The following PTPRT variants were observed in gnomAD, a reference collection of about 807,000 sequenced individuals.
PTPRT encodes protein tyrosine phosphatase receptor type T.
PTPRT carries 56 observed loss-of-function variants against 176.8 expected under a neutral mutation model. The observed-to-expected ratio is 0.32, with a 90% confidence interval of 0.26 to 0.40. The LOEUF is 0.40. Ranked by LOEUF, PTPRT falls within the 10% of genes least tolerant of loss-of-function variation. The pLI, the probability that PTPRT is intolerant of heterozygous loss-of-function variation, is 1.00. For synonymous variants in PTPRT, 783 were observed against 739.0 expected (o/e 1.06, Z -0.96); for missense variants, 1,540 against 1,908.2 (o/e 0.81, Z 3.60).
intron 11 of PTPRT, among the ~76,000 whole-genome samples, chr20:42,328,133 G>A (rs537429382): frequency 3.4e-4 from 52 of 152,104 alleles, no homozygotes; most frequent in Admixed American, 1.6e-3. Context: ...GAAAATCAAA[G>A]CCACAATTTC....
chr20:42,578,730 C>A (rs748907293), intron 7 of PTPRT, among the ~76,000 whole-genome samples: 1 of 152,156 alleles, frequency 6.6e-6, no homozygotes, highest in East Asian at 1.9e-4. Flanking sequence ...TATCTCGGAT[C>A]TGCAATCGCC....
intron 7 of PTPRT, among the ~76,000 whole-genome samples, chr20:42,534,649 AGAT>A (rs1246368554): frequency 6.6e-6 from 1 of 152,168 alleles, no homozygotes; most frequent in East Asian, 1.9e-4. Flanking sequence ...AAAGAAAAAA[AGAT>A]ACAAAACTAG....
intron 9 of PTPRT, 89 bp from the exon 10 acceptor site, chr20:42,352,374 G>C (rs556562528): frequency 7.6e-7 from 1 of 1,308,584 alleles, no homozygotes; most frequent in East Asian, 2.3e-5. Context: ...TTAGGGAGGC[G>C]GGGGAAGGGG....
intron 1 of PTPRT, among the ~76,000 whole-genome samples, chr20:42,989,235 T>A (rs1438643020): frequency 6.6e-6 from 1 of 152,240 alleles, no homozygotes; most frequent in Non-Finnish European, 1.5e-5. Flanking sequence ...CCTTTTCACA[T>A]TACACCAAAT....
intron 21 of PTPRT, among the ~76,000 whole-genome samples, chr20:42,118,082 GAGA>G (rs1359265717): frequency 1.3e-5 from 2 of 152,184 alleles, no homozygotes; most frequent in African/African-American, 2.4e-5. Context: ...GACAGCAGAG[GAGA>G]AGAACAAGAG....
At chr20:42,411,863 A>G (rs1285524473) in intron 9 of PTPRT, among the ~76,000 whole-genome samples, 1 of 151,850 alleles carries the variant, frequency 6.6e-6, no homozygotes, top group Non-Finnish European at 1.5e-5. Context: ...AAAAAATAGT[A>G]TCAGAGAAAG....
At chr20:42,621,179 C>T (rs1053754441) in intron 7 of PTPRT, among the ~76,000 whole-genome samples, 5 of 152,166 alleles carry the variant, frequency 3.3e-5, no homozygotes, top group African/African-American at 1.2e-4. Flanking sequence ...TCTGCCCTGT[C>T]CTAAAGCAAG....
intron 13 of PTPRT, among the ~76,000 whole-genome samples, chr20:42,266,170 G>T (rs938962696): frequency 6.6e-6 from 1 of 152,166 alleles, no homozygotes; most frequent in Admixed American, 6.5e-5. Flanking sequence ...AGAAGGTGAG[G>T]CTCAGAAAGG....
chr20:42,645,189 C>T (rs2074861921), intron 7 of PTPRT, among the ~76,000 whole-genome samples: 1 of 152,128 alleles, frequency 6.6e-6, no homozygotes. Context: ...CAAAACCCTA[C>T]CTGCAGCCTG....
At chr20:42,565,511 T>C (rs569295641) in intron 7 of PTPRT, among the ~76,000 whole-genome samples, 2 of 151,814 alleles carry the variant, frequency 1.3e-5, no homozygotes, top group African/African-American at 4.8e-5. Context: ...GCCCAGAGCC[T>C]GGTGGGAAAA....
intron 7 of PTPRT, among the ~76,000 whole-genome samples, chr20:42,630,120 G>A (rs1295180838): frequency 6.6e-6 from 1 of 152,138 alleles, no homozygotes; most frequent in African/African-American, 2.4e-5. Context: ...ATGAAAGTGG[G>A]AGGTAAGAGG....
chr20:42,903,751 G>C (rs930096468), intron 1 of PTPRT, among the ~76,000 whole-genome samples: 1 of 152,190 alleles, frequency 6.6e-6, no homozygotes, highest in African/African-American at 2.4e-5. Context: ...AAATTATTTG[G>C]ATACCAAGAT....
chr20:42,418,252 C>G (rs1217670810), intron 9 of PTPRT, among the ~76,000 whole-genome samples: 1 of 152,108 alleles, frequency 6.6e-6, no homozygotes, highest in Non-Finnish European at 1.5e-5. Flanking sequence ...TAAAACTATA[C>G]ATTATTAAAA....
intron 6 of PTPRT, among the ~76,000 whole-genome samples, chr20:42,713,322 T>C (rs1009058636): frequency 1.3e-5 from 2 of 152,064 alleles, no homozygotes; most frequent in Admixed American, 6.5e-5. Flanking sequence ...ATGAGTAACA[T>C]TGCAATATTT....
intron 7 of PTPRT, among the ~76,000 whole-genome samples, chr20:42,578,317 T>G (rs1345844403): frequency 6.6e-6 from 1 of 152,022 alleles, no homozygotes; most frequent in Non-Finnish European, 1.5e-5. Flanking sequence ...ATGGAGAAAA[T>G]TATCTCCATG....
chr20:42,359,474 G>C (rs1018562857), intron 9 of PTPRT, among the ~76,000 whole-genome samples: 2 of 152,196 alleles, frequency 1.3e-5, no homozygotes, highest in Non-Finnish European at 2.9e-5. Flanking sequence ...GGGAAGACCT[G>C]CAAGTATCCT....
chr20:42,461,392 A>T (rs1273820751), intron 8 of PTPRT, among the ~76,000 whole-genome samples: 2 of 152,136 alleles, frequency 1.3e-5, no homozygotes, highest in African/African-American at 4.8e-5. Flanking sequence ...ACACTTGCAC[A>T]TGCCTATATG....
At chr20:42,092,499 C>T (rs1480577460) in intron 27 of PTPRT, among the ~76,000 whole-genome samples, 1 of 152,158 alleles carries the variant, frequency 6.6e-6, no homozygotes, top group African/African-American at 2.4e-5. Context: ...GGAACTGGCT[C>T]AGGGCAACAC....
the PTPRT span, among the ~76,000 whole-genome samples, chr20:42,048,053 G>C: frequency 6.6e-6 from 1 of 152,118 alleles, no homozygotes; most frequent in Non-Finnish European, 1.5e-5. Context: ...GTCACTCCCT[G>C]GGTTTCATAG....
Sources: gnomAD v4.1 joint callset for allele counts (sites outside exome capture counted in the v4.1 genomes callset) on GRCh38, gnomAD v4.1.1 for gene constraint, MANE v1.5 for transcripts, NCBI Gene and HGNC (gene_info 2026-07-23, HGNC 2026-07-21) for gene names.